CFAP251: variants seen among roughly 807,000 people sequenced by gnomAD.
CFAP251 encodes the protein cilia and flagella associated protein 251, also known as cilia- and flagella-associated protein 251.
CFAP251 carries 93 observed loss-of-function variants against 126.7 expected under a neutral mutation model. That is an observed-to-expected ratio of 0.73 (90% CI 0.62 to 0.87). The LOEUF is 0.87. Ranked by LOEUF, CFAP251 falls within the 40% of genes least tolerant of loss-of-function variation. The probability of loss-of-function intolerance (pLI) is 0.00; values close to 1 mark genes in which losing one functional copy is unlikely to be tolerated. For synonymous variants in CFAP251, 503 were observed against 506.9 expected, an observed-to-expected ratio of 0.99 and a Z score of 0.10; for missense variants, 1,287 against 1,389.2, an observed-to-expected ratio of 0.93 and a Z score of 1.17.
intron 3 of CFAP251, among the ~76,000 whole-genome samples, chr12:121,926,857 C>T (rs1300957490): frequency 3.3e-5 from 5 of 152,118 alleles, no homozygotes; most frequent in East Asian, 1.9e-4. Context: ...CCAGGAGAAT[C>T]GCTTGAACCC....
chr12:121,944,237 G>T (rs1881233879), intron 7 of CFAP251, among the ~76,000 whole-genome samples: 1 of 152,196 alleles, frequency 6.6e-6, no homozygotes, highest in Non-Finnish European at 1.5e-5. Context: ...CAAACAGAGG[G>T]TTTGGGTGAC....
chr12:121,930,603 T>C (rs1242583524), intron 3 of CFAP251, among the ~76,000 whole-genome samples: 1 of 152,216 alleles, frequency 6.6e-6, no homozygotes, highest in Admixed American at 6.5e-5. Context: ...AATTTTTCAT[T>C]TCATAAAATT....
chr12:121,954,385 T>A (rs2135777859), intron 10 of CFAP251, 51 bp downstream of exon 10: 1 of 1,489,570 alleles, frequency 6.7e-7, no homozygotes, highest in Non-Finnish European at 9.1e-7. Context: ...AAAAATATTT[T>A]AAAATTGTTA....
chr12:121,925,311 C>G (rs1243470988), intron 3 of CFAP251, among the ~76,000 whole-genome samples: 3 of 152,124 alleles, frequency 2.0e-5, no homozygotes, highest in African/African-American at 7.2e-5. Context: ...GAGTTTTTTC[C>G]TTCTTCCTCC....
intron 15 of CFAP251, 92 bp from the exon 16 acceptor site, chr12:121,966,863 T>C (rs1882160420): frequency 5.3e-6 from 6 of 1,132,254 alleles, no homozygotes; most frequent in Non-Finnish European, 6.5e-6. Context: ...GGATTACAGG[T>C]GTGAGCCACT....
chr12:121,969,038 G>A (rs1882246903), intron 17 of CFAP251: 6 of 985,254 alleles, frequency 6.1e-6, no homozygotes, highest in Non-Finnish European at 7.2e-6. Flanking sequence ...CCAAGCCCCT[G>A]CGCTGCCTGT....
intron 17 of CFAP251, chr12:121,971,482 C>T: frequency 1.4e-6 from 1 of 700,160 alleles, no homozygotes; most frequent in South Asian, 1.5e-5. Flanking sequence ...TAATCCCAAC[C>T]ACTTGTGCTG....
At chr12:121,956,000 GA>G in intron 10 of CFAP251, 1 of 152,108 alleles carries the variant, frequency 6.6e-6, no homozygotes, top group Non-Finnish European at 1.5e-5. Context: ...TTATTAATCA[GA>G]AACCTCATTT....
intron 7 of CFAP251, among the ~76,000 whole-genome samples, chr12:121,947,474 C>CT (rs1479756203): frequency 1.3e-5 from 2 of 151,242 alleles, no homozygotes; most frequent in Admixed American, 6.6e-5. Context: ...CTTTTCTTTT[C>CT]TTTTTTTTGA....
At chr12:121,985,535 C>CA (rs59999924) in intron 19 of CFAP251, among the ~76,000 whole-genome samples, 7,317 of 61,718 alleles carry the variant, frequency 0.12, 741 homozygotes, top group African/African-American at 0.25. Context: ...GACTCCATCT[C>CA]AAAAAAAAAA....
intron 8 of CFAP251, chr12:121,950,318 C>T (rs1052424170): frequency 3.3e-5 from 5 of 152,132 alleles, no homozygotes; most frequent in Non-Finnish European, 5.9e-5. Flanking sequence ...TGGAGAGAGA[C>T]GGAGTGGCTG....
chr12:121,967,966 C>G, intron 16 of CFAP251, 40 bp from the exon 17 acceptor site: 1 of 1,566,546 alleles, frequency 6.4e-7, no homozygotes, highest in African/African-American at 1.4e-5. Context: ...TCGGGCCCAG[C>G]TACCTGAGTC....
intron 15 of CFAP251, among the ~76,000 whole-genome samples, chr12:121,965,312 A>G (rs904203702): frequency 6.6e-6 from 1 of 152,212 alleles, no homozygotes; most frequent in Non-Finnish European, 1.5e-5. Context: ...GAGGCTAGGA[A>G]AACGGGCACT....
intron 19 of CFAP251, among the ~76,000 whole-genome samples, chr12:121,982,677 C>G (rs1256824948): frequency 1.3e-5 from 2 of 152,114 alleles, no homozygotes; most frequent in African/African-American, 4.8e-5. Flanking sequence ...TGTGCCCAGC[C>G]AGGATTCTTG....
Position 122,003,704 on chromosome 12 carries a change from A to G in CFAP251, c.3390A>G (p.Ile1130Met), listed in dbSNP as rs1254700028. ...TTCCAGACGAAATCACTGCAGAAAT[A>G]TTCGCGACTGAAATTCTTGGCTTAA... ...EELPDEITAE[I>M]FATEILGLTI... Residue 1130 changes from isoleucine (I) to methionine (M), a missense_variant, in exon 22 of 22, where the codon ATA becomes ATG. Ile to Met is a conservative substitution (Grantham distance 10). Coordinates refer to ENST00000288912, the MANE Select transcript of CFAP251 (RefSeq NM_144668.6). The G allele has an allele frequency of 1.9e-6, 3 of 1,610,264 alleles. No individual in the cohort carries two copies. The African/African-American group carries it at 4.0e-5, about 22-fold the overall frequency.
At position 121,951,482 on chromosome 12, in the gene CFAP251, T is replaced by C; in HGVS notation, c.1272T>C (p.Tyr424=). The change falls in exon 9 of 22, where the codon TAT becomes TAC. Residue 424 remains tyrosine (Y), a splice_region_variant and synonymous_variant. Transcript: ENST00000288912. ...TGATTATTTTTTCCTCTTATCAGTA[T>C]GAAGAGAGGGATACACTGGCTCACA... ...SKTRAIYYAW[Y]EERDTLAHSA... The C allele has an allele frequency of 6.4e-7, 1 of 1,570,508 alleles. No individual in the cohort carries two copies.
chr12:121,958,399 C>A lies in CFAP251; in HGVS notation c.1858C>A (p.Leu620Ile). The change falls in exon 12 of 22, where the codon CTC becomes ATC. Residue 620 changes from leucine to isoleucine, a missense_variant. Transcript: ENST00000288912. Reference protein sequence around the residue: ...CAISCHPYQPLIAIGSICGMI... With the variant: ...CAISCHPYQPIIAIGSICGMI... ...CATCTCCTGCCACCCATATCAACCC[C>A]TCATTGCCATCGGGAGCATCTGTGG... 1 of 1,614,252 alleles carries A rather than the reference C, an allele frequency of 6.2e-7. No homozygotes were observed. Among genetic ancestry groups the A allele is most frequent in the Non-Finnish European group, 8.5e-7 (1 of 1,180,052 alleles).
intron 5 of CFAP251, among the ~76,000 whole-genome samples, chr12:121,941,462 T>G (rs1025118522): frequency 1.3e-5 from 2 of 150,116 alleles, no homozygotes; most frequent in African/African-American, 4.9e-5. Flanking sequence ...GCCTCCCAAG[T>G]AGTTGGGCCC....
chr12:121,928,704 A>AT (rs60425515), intron 3 of CFAP251, among the ~76,000 whole-genome samples: 8,986 of 60,216 alleles, frequency 0.15, 904 homozygotes, highest in South Asian at 0.28. Context: ...ATATATATAT[A>AT]TTTTTTTTTT....
Sources: allele counts gnomAD v4.1 joint callset (sites outside exome capture counted in the v4.1 genomes callset), GRCh38; gene constraint gnomAD v4.1.1; transcripts MANE v1.5; gene names NCBI Gene and HGNC (gene_info 2026-07-23, HGNC 2026-07-21).